Variants in QTMAN observed in about 807,000 individuals in gnomAD.
QTMAN encodes the protein queuosine-tRNA mannosyltransferase.
the QTMAN span, among the ~76,000 whole-genome samples, chr2:144,194,028 C>A: frequency 6.6e-6 from 1 of 152,144 alleles, no homozygotes; most frequent in East Asian, 1.9e-4. Flanking sequence ...TCTTTAAGCA[C>A]TACGTTTTTT....
chr2:144,316,552 C>T, the QTMAN span, among the ~76,000 whole-genome samples: 1 of 152,100 alleles, frequency 6.6e-6, no homozygotes, highest in Non-Finnish European at 1.5e-5. Context: ...TGATCACCTG[C>T]CCTCCGTATA....
At chr2:144,227,011 C>T in the QTMAN span, among the ~76,000 whole-genome samples, 2 of 152,090 alleles carry the variant, frequency 1.3e-5, no homozygotes, top group Non-Finnish European at 1.5e-5. Flanking sequence ...TTCTATAGTA[C>T]ATAATTGTTT....
the QTMAN span, among the ~76,000 whole-genome samples, chr2:144,222,914 G>A: frequency 6.6e-6 from 1 of 152,180 alleles, no homozygotes; most frequent in Non-Finnish European, 1.5e-5. Context: ...CTAAAAGAGA[G>A]AGAGATTTGC....
the QTMAN span, among the ~76,000 whole-genome samples, chr2:144,119,107 T>C: frequency 1.3e-5 from 2 of 152,134 alleles, no homozygotes; most frequent in African/African-American, 4.8e-5. Flanking sequence ...GATAGATGAA[T>C]AGTAGGAACT....
the QTMAN span, among the ~76,000 whole-genome samples, chr2:144,176,576 G>C: frequency 2.0e-5 from 3 of 152,054 alleles, no homozygotes; most frequent in Non-Finnish European, 4.4e-5. Flanking sequence ...GATAATATTA[G>C]AAAGCTCAAC....
chr2:144,140,501 G>C, the QTMAN span, among the ~76,000 whole-genome samples: 1 of 151,946 alleles, frequency 6.6e-6, no homozygotes, highest in Non-Finnish European at 1.5e-5. Context: ...CACAGGCAAA[G>C]TATAACTATC....
the QTMAN span, among the ~76,000 whole-genome samples, chr2:144,155,880 A>G: frequency 6.6e-6 from 1 of 152,124 alleles, no homozygotes; most frequent in African/African-American, 2.4e-5. Context: ...CTTCGTGACA[A>G]CTAAGCTGTT....
the QTMAN span, among the ~76,000 whole-genome samples, chr2:144,241,614 C>T: frequency 1.3e-5 from 2 of 152,152 alleles, no homozygotes; most frequent in Admixed American, 6.6e-5. Context: ...TTCCCTATTC[C>T]TCAAAATATT....
chr2:143,990,822 T>G, the QTMAN span, among the ~76,000 whole-genome samples: 1 of 152,126 alleles, frequency 6.6e-6, no homozygotes, highest in Non-Finnish European at 1.5e-5. Flanking sequence ...TCTCGAATAC[T>G]AAAATTATCA....
the QTMAN span, among the ~76,000 whole-genome samples, chr2:144,057,156 G>A: frequency 2.6e-5 from 4 of 152,142 alleles, no homozygotes; most frequent in Non-Finnish European, 4.4e-5. Flanking sequence ...ACCAGAAAAA[G>A]ATAAAATGTG....
the QTMAN span, among the ~76,000 whole-genome samples, chr2:144,105,319 G>T: frequency 1.3e-5 from 2 of 152,330 alleles, no homozygotes; most frequent in East Asian, 3.9e-4. Flanking sequence ...GCTAAAGGAG[G>T]AAGTTCAAAC....
At chr2:144,298,022 AT>A in the QTMAN span, among the ~76,000 whole-genome samples, 136 of 144,014 alleles carry the variant, frequency 9.4e-4, no homozygotes, top group South Asian at 1.1e-3. Context: ...GAATATTTTA[AT>A]TTTTTTTTTT....
At chr2:143,998,511 A>T in the QTMAN span, among the ~76,000 whole-genome samples, 5 of 147,282 alleles carry the variant, frequency 3.4e-5, no homozygotes, top group South Asian at 2.1e-4. Flanking sequence ...TGACCGAGTA[A>T]AAAAAAAAAA....
chr2:144,050,779 C>T, the QTMAN span, among the ~76,000 whole-genome samples: 2 of 145,666 alleles, frequency 1.4e-5, no homozygotes, highest in African/African-American at 5.6e-5. Flanking sequence ...TCCTTTCAGT[C>T]AGCACACACA....
chr2:143,944,601 CCTGG>C, the QTMAN span: 2 of 152,340 alleles, frequency 1.3e-5, no homozygotes, highest in African/African-American at 2.4e-5. Context: ...CGCCACCATG[CCTGG>C]CTAATTTTTT....
At chr2:144,188,168 C>G in the QTMAN span, among the ~76,000 whole-genome samples, 1 of 152,124 alleles carries the variant, frequency 6.6e-6, no homozygotes, top group African/African-American at 2.4e-5. Context: ...GAAACTAATA[C>G]AGATGGTCAA....
the QTMAN span, among the ~76,000 whole-genome samples, chr2:144,072,245 G>C: frequency 6.6e-6 from 1 of 152,120 alleles, no homozygotes; most frequent in South Asian, 2.1e-4. Context: ...AAAAAAAGCA[G>C]AAAAGAGGTG....
the QTMAN span, among the ~76,000 whole-genome samples, chr2:144,293,537 G>C: frequency 6.6e-6 from 1 of 152,136 alleles, no homozygotes; most frequent in Non-Finnish European, 1.5e-5. Flanking sequence ...GACAAGGATA[G>C]ATTTGAACAT....
At chr2:144,126,740 T>G in the QTMAN span, among the ~76,000 whole-genome samples, 1 of 151,814 alleles carries the variant, frequency 6.6e-6, no homozygotes, top group South Asian at 2.1e-4. Context: ...TAAGTGGGGG[T>G]TTACTGTACT....
Sources: allele counts gnomAD v4.1 joint callset (sites outside exome capture counted in the v4.1 genomes callset), GRCh38; gene constraint gnomAD v4.1.1; transcripts MANE v1.5; gene names NCBI Gene and HGNC (gene_info 2026-07-23, HGNC 2026-07-21).